CDH13: variants seen among roughly 807,000 people sequenced by gnomAD.
CDH13 encodes the protein cadherin-13.
A neutral mutation model predicts 63.8 loss-of-function variants in CDH13; 24 were observed. That is an observed-to-expected ratio of 0.38 (90% confidence interval 0.27 to 0.53). The LOEUF (loss-of-function observed/expected upper bound fraction) is 0.53. Among genes scored for constraint, CDH13 ranks in the 20% least tolerant of loss-of-function variants. CDH13 has a pLI of 0.85. For synonymous variants in CDH13, 503 were observed against 355.3 expected, an observed-to-expected ratio of 1.42 and a Z score of -4.67; for missense variants, 1,049 against 903.1, an observed-to-expected ratio of 1.16 and a Z score of -2.07.
chr16:83,079,261 A>C (rs909671798), intron 3 of CDH13, among the ~76,000 whole-genome samples: 1 of 152,314 alleles, frequency 6.6e-6, no homozygotes, highest in East Asian at 1.9e-4. Context: ...ATGGCTTTAG[A>C]ATATTCCATT....
intron 6 of CDH13, among the ~76,000 whole-genome samples, chr16:83,484,175 C>A (rs1448397433): frequency 1.3e-5 from 2 of 152,136 alleles, no homozygotes; most frequent in East Asian, 3.8e-4. Context: ...ACTCTGATTC[C>A]AGTGGTGGGG....
chr16:82,633,081 G>A (rs575012527), intron 1 of CDH13, among the ~76,000 whole-genome samples: 2 of 152,272 alleles, frequency 1.3e-5, no homozygotes, highest in East Asian at 1.9e-4. Context: ...GCTTGCTCAC[G>A]GGCCACTCAC....
intron 6 of CDH13, among the ~76,000 whole-genome samples, chr16:83,370,262 G>T (rs769934387): frequency 6.6e-6 from 1 of 151,686 alleles, no homozygotes; most frequent in African/African-American, 2.4e-5. Context: ...GTGGCGGGCG[G>T]CTATAGTCGC....
At chr16:83,430,764 C>A (rs2072074685) in intron 6 of CDH13, among the ~76,000 whole-genome samples, 1 of 152,142 alleles carries the variant, frequency 6.6e-6, no homozygotes, top group African/African-American at 2.4e-5. Context: ...ATTCCACATT[C>A]CAGATTTTTA....
intron 6 of CDH13, among the ~76,000 whole-genome samples, chr16:83,425,898 A>G (rs1450763448): frequency 6.6e-6 from 1 of 152,152 alleles, no homozygotes; most frequent in Non-Finnish European, 1.5e-5. Flanking sequence ...TAGGCACTAC[A>G]GATACAGCAT....
intron 2 of CDH13, among the ~76,000 whole-genome samples, chr16:83,025,742 AC>A: frequency 6.6e-6 from 1 of 152,256 alleles, no homozygotes; most frequent in East Asian, 1.9e-4. Context: ...CACGGAAATA[AC>A]AGTTGCTGGC....
chr16:82,816,248 T>A (rs1450250876), intron 1 of CDH13, among the ~76,000 whole-genome samples: 1 of 152,152 alleles, frequency 6.6e-6, no homozygotes, highest in African/African-American at 2.4e-5. Flanking sequence ...TATCTTATTA[T>A]TTGTAGCAGC....
intron 5 of CDH13, among the ~76,000 whole-genome samples, chr16:83,223,627 A>G (rs2039763566): frequency 6.6e-6 from 1 of 152,196 alleles, no homozygotes; most frequent in Admixed American, 6.5e-5. Context: ...TGATCTGCAA[A>G]GCACAGCTGT....
intron 2 of CDH13, among the ~76,000 whole-genome samples, chr16:82,961,599 A>G (rs1326382629): frequency 1.4e-5 from 2 of 146,558 alleles, no homozygotes; most frequent in African/African-American, 2.5e-5. Context: ...AAAAAAAACT[A>G]CTGGTACTTG....
At chr16:83,114,383 C>G (rs2035200942) in intron 3 of CDH13, among the ~76,000 whole-genome samples, 1 of 152,010 alleles carries the variant, frequency 6.6e-6, no homozygotes, top group Non-Finnish European at 1.5e-5. Context: ...TGACTTGCAC[C>G]CATTTCTCCC....
chr16:83,646,605 G>A (rs1225308156), intron 8 of CDH13, among the ~76,000 whole-genome samples: 1 of 148,740 alleles, frequency 6.7e-6, no homozygotes, highest in East Asian at 2.1e-4. Flanking sequence ...AGAGGCTGAG[G>A]CAGGAGAATT....
intron 5 of CDH13, among the ~76,000 whole-genome samples, chr16:83,254,860 G>A (rs1034877275): frequency 1.3e-5 from 2 of 152,042 alleles, no homozygotes. Flanking sequence ...TTGTAAAAAT[G>A]GTCCCTACTA....
intron 1 of CDH13, among the ~76,000 whole-genome samples, chr16:82,696,271 A>G (rs1379079623): frequency 6.6e-6 from 1 of 152,248 alleles, no homozygotes; most frequent in African/African-American, 2.4e-5. Context: ...ATTCAAATAC[A>G]TCTTTACTAA....
At chr16:82,639,360 G>C (rs1392615620) in intron 1 of CDH13, 4 of 1,534,460 alleles carry the variant, frequency 2.6e-6, no homozygotes, top group Admixed American at 2.0e-5. Context: ...TTTTGACCAG[G>C]GCCAAACAAC....
At chr16:83,469,972 A>C (rs75390158) in intron 6 of CDH13, among the ~76,000 whole-genome samples, 4,295 of 152,250 alleles carry the variant, frequency 0.028, 195 homozygotes, top group African/African-American at 0.097. Flanking sequence ...ACCTTTGTTT[A>C]TGCAGTTTTC....
At chr16:83,513,713 T>C (rs1217743279) in intron 7 of CDH13, among the ~76,000 whole-genome samples, 2 of 152,094 alleles carry the variant, frequency 1.3e-5, no homozygotes, top group African/African-American at 4.8e-5. Flanking sequence ...CGTGATCCAA[T>C]TACCTCTCAC....
At chr16:83,785,511 A>G (rs557768888) in intron 13 of CDH13, among the ~76,000 whole-genome samples, 1 of 152,330 alleles carries the variant, frequency 6.6e-6, no homozygotes, top group African/African-American at 2.4e-5. Flanking sequence ...AGAGCATAGC[A>G]GATACCATGA....
intron 2 of CDH13, among the ~76,000 whole-genome samples, chr16:82,952,199 G>T (rs978218032): frequency 6.6e-6 from 1 of 152,164 alleles, no homozygotes; most frequent in African/African-American, 2.4e-5. Context: ...GAGAACGTGG[G>T]TGCTGCCCGA....
At chr16:83,451,436 C>A (rs959627406) in intron 6 of CDH13, among the ~76,000 whole-genome samples, 2 of 152,208 alleles carry the variant, frequency 1.3e-5, no homozygotes, top group Non-Finnish European at 2.9e-5. Flanking sequence ...AGGTCCCATC[C>A]ACAACCTGTG....
Sources: gnomAD v4.1 joint callset for allele counts (sites outside exome capture counted in the v4.1 genomes callset) on GRCh38, gnomAD v4.1.1 for gene constraint, MANE v1.5 for transcripts, NCBI Gene and HGNC (gene_info 2026-07-23, HGNC 2026-07-21) for gene names.